The following NUCB2 variants were observed in gnomAD, a reference collection of about 807,000 sequenced individuals.
The protein encoded by NUCB2 is nucleobindin-2.
Under a neutral mutation model 57.9 loss-of-function variants are expected in NUCB2, and 48 were observed. The observed-to-expected ratio is 0.83, with a 90% CI of 0.66 to 1.05. The LOEUF is 1.05. Ranked by LOEUF, NUCB2 falls within the 50% of genes least tolerant of loss-of-function variation. The pLI is 0.00. For synonymous variants in NUCB2, 139 were observed against 152.1 expected (o/e 0.91, Z 0.64); for missense variants, 442 against 476.2 (o/e 0.93, Z 0.67).
chr11:17,305,739 A>C (rs1947520985), intron 5 of NUCB2, among the ~76,000 whole-genome samples: 1 of 152,034 alleles, frequency 6.6e-6, no homozygotes, highest in African/African-American at 2.4e-5. Context: ...CTCACACTTC[A>C]GCCTCCTGAG....
At chr11:17,300,096 C>T (rs1946452424) in intron 4 of NUCB2, among the ~76,000 whole-genome samples, 1 of 152,042 alleles carries the variant, frequency 6.6e-6, no homozygotes, top group Admixed American at 6.6e-5. Flanking sequence ...CTACAACCTC[C>T]ACCTTCCCGG....
chr11:17,306,848 G>C lies in NUCB2; in HGVS notation c.380-2724G>C, dbSNP rs543085895. ...AATCGCTTGAACACAGGAGGCGGAG[G>C]TTGCAGTGAGCCGAGATCATGCCAC... On this transcript the variant is annotated intron_variant, in intron 5 of 13. Coordinates refer to ENST00000529010, the MANE Select transcript of NUCB2 (RefSeq NM_005013.4). 1.3e-4 allele frequency among the ~76,000 whole-genome samples: 20 copies of C among 151,362 alleles called. No individual in the cohort carries two copies. In the South Asian group the frequency reaches 2.9e-3, roughly 22 times the overall value.
At chr11:17,313,000 C>T (rs1267018001) in intron 10 of NUCB2, among the ~76,000 whole-genome samples, 3 of 148,588 alleles carry the variant, frequency 2.0e-5, no homozygotes, top group African/African-American at 4.9e-5. Flanking sequence ...CATGAGCCGC[C>T]GCACCAGGCC....
chr11:17,327,730 G>A (rs528993650), intron 11 of NUCB2, among the ~76,000 whole-genome samples: 84 of 152,240 alleles, frequency 5.5e-4, no homozygotes, highest in African/African-American at 1.7e-3. Context: ...ATTCTTCAGC[G>A]TGTCCGTTCC....
intron 2 of NUCB2, among the ~76,000 whole-genome samples, chr11:17,283,152 G>C (rs1943039033): frequency 6.6e-6 from 1 of 152,176 alleles, no homozygotes; most frequent in Non-Finnish European, 1.5e-5. Flanking sequence ...GCTTCTTTCA[G>C]TTCTTTTATC....
At chr11:17,348,906 A>C (rs920942354) in intron 2 of NUCB2, among the ~76,000 whole-genome samples, 2 of 151,950 alleles carry the variant, frequency 1.3e-5, no homozygotes, top group South Asian at 4.2e-4. Context: ...CAGCCTCCCG[A>C]GTAGCTGGGA....
At chr11:17,344,346 C>T (rs971587718) in intron 2 of NUCB2, among the ~76,000 whole-genome samples, 1 of 152,124 alleles carries the variant, frequency 6.6e-6, no homozygotes, top group African/African-American at 2.4e-5. Flanking sequence ...GGTGTTAATT[C>T]AGCAATCTCT....
intron 11 of NUCB2, among the ~76,000 whole-genome samples, chr11:17,325,138 A>T (rs2139326840): frequency 6.6e-6 from 1 of 152,296 alleles, no homozygotes; most frequent in South Asian, 2.1e-4. Context: ...CCATGTGCTA[A>T]GGAGAAAAAT....
chr11:17,303,412 T>C (rs1947089125), intron 5 of NUCB2, among the ~76,000 whole-genome samples: 1 of 152,128 alleles, frequency 6.6e-6, no homozygotes, highest in Admixed American at 6.6e-5. Flanking sequence ...TTATAAATCA[T>C]CATATAAATA....
At position 17,331,001 on chromosome 11, in the gene NUCB2, ATTAT is replaced by A. The variant is rs780762272; in HGVS notation, c.1255+26_1255+29del. 17 of 1,483,298 alleles carry A rather than the reference ATTAT, an allele frequency of 1.1e-5. No individual in the cohort carries two copies. The African/African-American group carries it at 2.2e-4, about 19-fold the overall frequency. The allele number at this position is 1,483,298 out of a possible 1,614,324, so 91.9% of individuals were successfully genotyped here. A position where few individuals can be genotyped will look rare whatever the true frequency, so the allele number is the denominator to read the frequency against. On this transcript the variant is annotated intron_variant, in intron 13 of 13. Transcript: ENST00000529010. ...TGAGCCACGTGTGTAATTTTGTTTG[ATTAT>A]TTATTTAGGAAAATAAATTATTTTA...
At chr11:17,311,809 G>A in intron 8 of NUCB2, 63 bp from the exon 9 acceptor site, 1 of 1,093,216 alleles carries the variant, frequency 9.1e-7, no homozygotes, top group Non-Finnish European at 1.4e-6. Context: ...ATAAATCATT[G>A]TATTTTAATT....
intron 11 of NUCB2, among the ~76,000 whole-genome samples, chr11:17,326,818 G>A (rs1159133239): frequency 3.3e-5 from 5 of 152,104 alleles, no homozygotes; most frequent in African/African-American, 7.2e-5. Context: ...ACCTTCAGAT[G>A]ATTTCTTTGT....
At chr11:17,282,248 ATATATATATATTTTT>A (rs1162188128) in intron 1 of NUCB2, among the ~76,000 whole-genome samples, 51 of 81,750 alleles carry the variant, frequency 6.2e-4, no homozygotes, top group Middle Eastern at 4.9e-3. Flanking sequence ...ATATATATAT[ATATATATATATTTTT>A]TTTTTTTTTT....
intron 2 of NUCB2, among the ~76,000 whole-genome samples, chr11:17,347,170 C>T (rs1414254807): frequency 6.6e-6 from 1 of 152,202 alleles, no homozygotes; most frequent in Non-Finnish European, 1.5e-5. Context: ...GAAGCAAAGG[C>T]AGGAAGGCTC....
chr11:17,286,327 G>A (rs1183153892), intron 2 of NUCB2, among the ~76,000 whole-genome samples: 1 of 152,146 alleles, frequency 6.6e-6, no homozygotes, highest in Non-Finnish European at 1.5e-5. Flanking sequence ...AGGAACCTCC[G>A]TGCCCAGCAG....
chr11:17,280,441 G>A (rs1314937248), intron 1 of NUCB2, among the ~76,000 whole-genome samples: 1 of 152,180 alleles, frequency 6.6e-6, no homozygotes, highest in African/African-American at 2.4e-5. Flanking sequence ...GAAAATGGAG[G>A]TGAGCACCAG....
intron 2 of NUCB2, among the ~76,000 whole-genome samples, chr11:17,345,150 A>G (rs936498415): frequency 2.0e-5 from 3 of 152,118 alleles, no homozygotes; most frequent in Non-Finnish European, 4.4e-5. Context: ...TGGATGGAAG[A>G]CCATTCAGTA....
At position 17,326,094 on chromosome 11, in the gene NUCB2, G is replaced by T. The variant is rs540975065; in HGVS notation, c.1003-4033G>T. On this transcript the variant is annotated intron_variant, in intron 11 of 13. Coordinates refer to ENST00000529010, the MANE Select transcript of NUCB2 (RefSeq NM_005013.4). ...CGGCTCACCACAACCTCCACTTCCT[G>T]GGTTCAAGTGATTCTCATGCCTCAG... Among the ~76,000 whole-genome samples, 19 of 151,214 alleles carry T rather than the reference G, an allele frequency of 1.3e-4. 1 individual carries two copies. The East Asian group carries it at 3.5e-3, about 28-fold the overall frequency.
intron 2 of NUCB2, among the ~76,000 whole-genome samples, chr11:17,339,257 G>A (rs1349088166): frequency 6.6e-6 from 1 of 152,042 alleles, no homozygotes; most frequent in Non-Finnish European, 1.5e-5. Flanking sequence ...CAAAGTGCTG[G>A]GATTACAGGT....
Sources: gnomAD v4.1 joint callset for allele counts (sites outside exome capture counted in the v4.1 genomes callset) on GRCh38, gnomAD v4.1.1 for gene constraint, MANE v1.5 for transcripts, NCBI Gene and HGNC (gene_info 2026-07-23, HGNC 2026-07-21) for gene names.